Variants in PTPRN2 observed in about 807,000 individuals in gnomAD.
PTPRN2 encodes protein tyrosine phosphatase receptor type N2.
Under a neutral mutation model 118.8 loss-of-function variants are expected in PTPRN2, and 74 were observed. The ratio of observed to expected loss-of-function variants is 0.62; its 90% CI spans 0.52 to 0.76. The LOEUF (loss-of-function observed/expected upper bound fraction) is 0.76, where lower values mean the gene tolerates loss of function less well. Among genes scored for constraint, PTPRN2 ranks in the 30% least tolerant of loss-of-function variants. PTPRN2 has a pLI of 0.00. For synonymous variants in PTPRN2, 641 were observed against 608.0 expected (o/e 1.05, Z -0.80); for missense variants, 1,481 against 1,394.4 (o/e 1.06, Z -0.99).
intron 12 of PTPRN2, among the ~76,000 whole-genome samples, chr7:157,778,713 C>G (rs1441309044): frequency 6.6e-6 from 1 of 152,058 alleles, no homozygotes; most frequent in African/African-American, 2.4e-5. Context: ...CCCATGTAAA[C>G]ATGTCCACCT....
At chr7:158,219,511 GA>G (rs556537254) in intron 3 of PTPRN2, among the ~76,000 whole-genome samples, 7 of 146,964 alleles carry the variant, frequency 4.8e-5, no homozygotes, top group Non-Finnish European at 1.1e-4. Context: ...GGAAGAACTA[GA>G]AAAAAAAAGA....
chr7:158,175,258 G>C (rs1352712258), intron 5 of PTPRN2, among the ~76,000 whole-genome samples: 1 of 152,208 alleles, frequency 6.6e-6, no homozygotes, highest in Non-Finnish European at 1.5e-5. Flanking sequence ...GCCTGACAAA[G>C]CACACAGCCT....
At chr7:158,419,429 C>T (rs201469206) in intron 2 of PTPRN2, among the ~76,000 whole-genome samples, 3 of 3,696 alleles carry the variant, frequency 8.1e-4, no homozygotes, top group East Asian at 4.2e-3. Flanking sequence ...CTGTCACTGC[C>T]GTAATCACTC....
At chr7:157,575,680 T>C (rs112047678) in intron 19 of PTPRN2, among the ~76,000 whole-genome samples, 40 of 152,336 alleles carry the variant, frequency 2.6e-4, no homozygotes, top group African/African-American at 9.4e-4. Context: ...TTAACCTCCC[T>C]CCAGTTACAT....
intron 12 of PTPRN2, among the ~76,000 whole-genome samples, chr7:157,740,766 C>T (rs147835264): frequency 1.3e-5 from 2 of 152,290 alleles, no homozygotes; most frequent in African/African-American, 4.8e-5. Context: ...TTCCAGCAAG[C>T]CTCGGAATCA....
At chr7:157,844,211 C>T (rs879260188) in intron 12 of PTPRN2, among the ~76,000 whole-genome samples, 2 of 152,220 alleles carry the variant, frequency 1.3e-5, no homozygotes, top group African/African-American at 2.4e-5. Context: ...GTGTGCAGCA[C>T]GTGTCTCTGC....
At chr7:158,124,269 G>A (rs1817431505) in intron 9 of PTPRN2, among the ~76,000 whole-genome samples, 1 of 152,248 alleles carries the variant, frequency 6.6e-6, no homozygotes, top group South Asian at 2.1e-4. Context: ...CTCTCTCCCA[G>A]CCTGCACCTA....
intron 11 of PTPRN2, among the ~76,000 whole-genome samples, chr7:158,024,645 G>A (rs1807135123): frequency 6.6e-6 from 1 of 152,196 alleles, no homozygotes; most frequent in South Asian, 2.1e-4. Flanking sequence ...ACCCCATGGG[G>A]CTGATCTGTG....
rs981996497 is a variant in PTPRN2 at position 158,387,089 on chromosome 7, C to T, written c.164-70157G>A. ...AGCATGTGTTCTAGAACACGGGAGG[C>T]TCTGCCCAAATGCCTCTGAGGCCAA... On this transcript the variant is annotated intron_variant, in intron 2 of 22. Coordinates refer to ENST00000389418, the MANE Select transcript of PTPRN2 (RefSeq NM_002847.5). Among the ~76,000 whole-genome samples the T allele has an allele frequency of 3.3e-5, 5 of 152,270 alleles. No homozygotes were observed. In the South Asian group the frequency reaches 1.0e-3, roughly 32 times the overall value.
chr7:158,162,345 T>C (rs1383879873), intron 6 of PTPRN2, among the ~76,000 whole-genome samples: 1 of 152,184 alleles, frequency 6.6e-6, no homozygotes, highest in East Asian at 1.9e-4. Context: ...AACCAAGATG[T>C]TCCTCAGTAG....
chr7:157,836,335 G>A (rs1285481675), intron 12 of PTPRN2, among the ~76,000 whole-genome samples: 1 of 152,168 alleles, frequency 6.6e-6, no homozygotes, highest in African/African-American at 2.4e-5. Context: ...AGGAATTGAG[G>A]TATTTAGAAG....
At chr7:157,751,283 C>T (rs574017235) in intron 12 of PTPRN2, among the ~76,000 whole-genome samples, 54 of 152,208 alleles carry the variant, frequency 3.5e-4, no homozygotes, top group African/African-American at 1.1e-3. Flanking sequence ...CCAGTTTGCG[C>T]GCACTGGACA....
intron 9 of PTPRN2, among the ~76,000 whole-genome samples, chr7:158,125,166 C>G (rs1054597272): frequency 2.0e-5 from 3 of 152,084 alleles, no homozygotes; most frequent in African/African-American, 7.2e-5. Context: ...CCTCCCACGG[C>G]CGCCTCCCTG....
intron 2 of PTPRN2, among the ~76,000 whole-genome samples, chr7:158,433,975 C>T (rs1316215719): frequency 1.3e-5 from 2 of 152,064 alleles, no homozygotes; most frequent in South Asian, 2.1e-4. Flanking sequence ...TGCTTAATTT[C>T]CAAACATTTA....
chr7:157,958,367 T>C (rs965587280), intron 11 of PTPRN2, among the ~76,000 whole-genome samples: 2 of 152,160 alleles, frequency 1.3e-5, no homozygotes, highest in African/African-American at 4.8e-5. Flanking sequence ...TTCACCACTG[T>C]TATTCAAGAC....
intron 2 of PTPRN2, among the ~76,000 whole-genome samples, chr7:158,349,781 C>T (rs1807784512): frequency 7.8e-6 from 1 of 128,806 alleles, no homozygotes; most frequent in Non-Finnish European, 1.7e-5. Context: ...GTCACTGCAC[C>T]CCTGGGTGGT....
At chr7:157,940,994 T>C (rs376774785) in intron 11 of PTPRN2, among the ~76,000 whole-genome samples, 12 of 12,022 alleles carry the variant, frequency 1.0e-3, no homozygotes, top group Admixed American at 1.4e-3. Flanking sequence ...AATCTAACAC[T>C]CTCCCCCGTG....
At chr7:158,169,971 C>T (rs139795929) in intron 5 of PTPRN2, among the ~76,000 whole-genome samples, 15,392 of 152,182 alleles carry the variant, frequency 0.1, 1,097 homozygotes, top group African/African-American at 0.2. Context: ...GGATTACAGT[C>T]ATGAGCCACT....
Position 157,687,544 on chromosome 7 carries a change from G to A in PTPRN2, c.1789-4607C>T, listed in dbSNP as rs532467965. Among the ~76,000 whole-genome samples, 3 of 152,298 alleles carry A rather than the reference G, an allele frequency of 2.0e-5. No individual in the cohort carries two copies. In the South Asian group the frequency reaches 6.2e-4, roughly 32 times the overall value. On this transcript the variant is annotated intron_variant, in intron 12 of 22. Coordinates refer to ENST00000389418, the MANE Select transcript of PTPRN2 (RefSeq NM_002847.5). ...ATCATTTCTAAGGAATCAGATTTCAGTCCCAGCCTCATCCTATCTTTGTGT... is the reference window on the plus strand; with the variant it reads ...ATCATTTCTAAGGAATCAGATTTCAATCCCAGCCTCATCCTATCTTTGTGT...
Sources: gnomAD v4.1 joint callset for allele counts (sites outside exome capture counted in the v4.1 genomes callset) on GRCh38, gnomAD v4.1.1 for gene constraint, MANE v1.5 for transcripts, NCBI Gene and HGNC (gene_info 2026-07-23, HGNC 2026-07-21) for gene names.